NCKAP5: variants seen among roughly 807,000 people sequenced by gnomAD.
NCKAP5 encodes nck-associated protein 5.
A neutral mutation model predicts 167.0 loss-of-function variants in NCKAP5; 92 were observed. That is an observed-to-expected ratio of 0.55 (90% confidence interval 0.47 to 0.66). The LOEUF (loss-of-function observed/expected upper bound fraction) is 0.66. Ranked by LOEUF, NCKAP5 falls within the 30% of genes least tolerant of loss-of-function variation. The pLI is 0.00. For missense variants in NCKAP5, 2,378 were observed against 2,315.0 expected (o/e 1.03, Z -0.56); for synonymous variants, 891 against 877.4 (o/e 1.02, Z -0.27).
At chr2:133,641,424 C>T in the NCKAP5 span, among the ~76,000 whole-genome samples, 1 of 152,180 alleles carries the variant, frequency 6.6e-6, no homozygotes, top group African/African-American at 2.4e-5. Flanking sequence ...CCACCAAAAG[C>T]GAAGTTCCTA....
chr2:133,306,768 T>A (rs1252860026), intron 3 of NCKAP5, among the ~76,000 whole-genome samples: 1 of 152,220 alleles, frequency 6.6e-6, no homozygotes, highest in African/African-American at 2.4e-5. Flanking sequence ...CAGGTTTTGG[T>A]GTATTGGCAC....
At chr2:132,674,384 G>A (rs1440973786) in intron 19 of NCKAP5, among the ~76,000 whole-genome samples, 1 of 152,182 alleles carries the variant, frequency 6.6e-6, no homozygotes, top group Non-Finnish European at 1.5e-5. Flanking sequence ...CCCAGCAAGT[G>A]GCAGAGAACA....
In NCKAP5 at chr2:133,525,126, CT is replaced by C. The variant is rs540730262; in HGVS notation, c.-61-7540del. Among the ~76,000 whole-genome samples the C allele has an allele frequency of 5.0e-4, 76 of 152,308 alleles. No homozygotes were observed. The South Asian group carries it at 5.6e-3, about 11-fold the overall frequency. ...AATTTTTTAAAATCCTACCAGCCCC[CT>C]GAAACTGATTTAGAAGAAGATTAAA... On this transcript the variant is annotated intron_variant, in intron 2 of 19. Coordinates refer to ENST00000409261, the MANE Select transcript of NCKAP5 (RefSeq NM_207363.3).
the NCKAP5 span, among the ~76,000 whole-genome samples, chr2:133,665,455 C>T: frequency 1.3e-5 from 2 of 152,120 alleles, no homozygotes; most frequent in Non-Finnish European, 2.9e-5. Context: ...GTGGAACAGT[C>T]AGAACACACA....
At chr2:133,008,435 T>C (rs2078042561) in intron 6 of NCKAP5, among the ~76,000 whole-genome samples, 1 of 152,214 alleles carries the variant, frequency 6.6e-6, no homozygotes, top group African/African-American at 2.4e-5. Context: ...AGACAGTTAA[T>C]AGACATGTTT....
chr2:133,014,428 A>G (rs74322394), intron 6 of NCKAP5, among the ~76,000 whole-genome samples: 8,171 of 152,266 alleles, frequency 0.054, 669 homozygotes, highest in African/African-American at 0.18. Flanking sequence ...CCATCTCCAA[A>G]TGGATTCCTG....
chr2:132,809,110 A>G (rs931123730), intron 11 of NCKAP5, among the ~76,000 whole-genome samples: 2 of 152,070 alleles, frequency 1.3e-5, no homozygotes, highest in African/African-American at 2.4e-5. Context: ...TTCCAGTTTT[A>G]TTCCACTGTG....
chr2:132,765,345 T>C (rs559214656), intron 16 of NCKAP5, among the ~76,000 whole-genome samples: 1 of 144,012 alleles, frequency 6.9e-6, no homozygotes, highest in East Asian at 2.1e-4. Context: ...GGAGTTTCGC[T>C]CTGTCCCTAG....
chr2:132,725,881 A>G (rs1690408549), intron 18 of NCKAP5, 122 bp from the exon 19 acceptor site: 5 of 1,054,800 alleles, frequency 4.7e-6, no homozygotes, highest in South Asian at 1.6e-5. Context: ...TTCCATTCCC[A>G]CTGCCCAGCC....
upstream of NCKAP5, among the ~76,000 whole-genome samples, chr2:133,570,974 A>G (rs976658782): frequency 1.4e-4 from 21 of 152,240 alleles, no homozygotes; most frequent in African/African-American, 4.8e-4. Flanking sequence ...ACTCGAAGGC[A>G]TAAGCCATAC....
At chr2:132,746,933 T>A (rs1453235466) in intron 16 of NCKAP5, among the ~76,000 whole-genome samples, 1 of 152,060 alleles carries the variant, frequency 6.6e-6, no homozygotes, top group African/African-American at 2.4e-5. Context: ...ACTACACTGA[T>A]ATAAAGCAGA....
the NCKAP5 span, among the ~76,000 whole-genome samples, chr2:133,651,782 G>T: frequency 4.6e-5 from 7 of 152,292 alleles, no homozygotes; most frequent in East Asian, 7.7e-4. Context: ...TATGAATAAA[G>T]AAAACATGTA....
At chr2:133,486,281 G>A (rs542275198) in intron 3 of NCKAP5, among the ~76,000 whole-genome samples, 13 of 152,154 alleles carry the variant, frequency 8.5e-5, no homozygotes, top group African/African-American at 2.6e-4. Context: ...GCCTTTTTCC[G>A]CTTATTTGTT....
At chr2:132,879,966 C>T (rs1180241113) in intron 8 of NCKAP5, among the ~76,000 whole-genome samples, 1 of 151,936 alleles carries the variant, frequency 6.6e-6, no homozygotes, top group African/African-American at 2.4e-5. Flanking sequence ...TACTATTTGG[C>T]CATAAAAAAG....
chr2:133,202,792 C>A (rs544400978), intron 5 of NCKAP5, among the ~76,000 whole-genome samples: 81 of 152,260 alleles, frequency 5.3e-4, no homozygotes, highest in African/African-American at 1.8e-3. Context: ...TGAAAAAATG[C>A]TCATCATCAC....
chr2:133,034,309 A>T (rs574537814), intron 6 of NCKAP5, among the ~76,000 whole-genome samples: 1 of 152,318 alleles, frequency 6.6e-6, no homozygotes, highest in East Asian at 1.9e-4. Context: ...ATGTTCCCAG[A>T]CAAACAAATG....
chr2:132,860,853 A>G (rs940935349), intron 10 of NCKAP5, among the ~76,000 whole-genome samples: 2 of 152,212 alleles, frequency 1.3e-5, no homozygotes, highest in African/African-American at 4.8e-5. Context: ...TTAATCTAGC[A>G]TGCTATTTTT....
rs547679687 is a variant in NCKAP5, at chr2:133,506,434, G to A, written c.69+11024C>T. Among the ~76,000 whole-genome samples the A allele has an allele frequency of 3.3e-5, 5 of 152,246 alleles. No individual in the cohort carries two copies. The South Asian group carries it at 1.0e-3, about 32-fold the overall frequency. ...CTACCCTTCACCCTTCCCTGCCCTG[G>A]TCTGGGCCCAGAGCACTCTATGGGC... On this transcript the variant is annotated intron_variant, in intron 3 of 19. Transcript: ENST00000409261.
intron 16 of NCKAP5, among the ~76,000 whole-genome samples, chr2:132,741,279 G>A (rs939567317): frequency 3.3e-5 from 5 of 151,830 alleles, no homozygotes; most frequent in Non-Finnish European, 5.9e-5. Context: ...TATAATTATC[G>A]CTATACTCTT....
Sources: allele counts gnomAD v4.1 joint callset (sites outside exome capture counted in the v4.1 genomes callset), GRCh38; gene constraint gnomAD v4.1.1; transcripts MANE v1.5; gene names NCBI Gene and HGNC (gene_info 2026-07-23, HGNC 2026-07-21).